Variants in CAST observed in about 807,000 individuals in gnomAD.
CAST encodes calpastatin.
In CAST, 76 loss-of-function variants were observed where a neutral mutation model predicts 119.6. That is an observed-to-expected ratio of 0.64 (90% CI 0.53 to 0.77). The LOEUF is 0.77. Ranked by LOEUF, CAST falls within the 30% of genes least tolerant of loss-of-function variation. The probability of loss-of-function intolerance (pLI) is 0.00; values close to 1 mark genes in which losing one functional copy is unlikely to be tolerated. For missense variants in CAST, 953 were observed against 946.5 expected (o/e 1.01, Z -0.09); for synonymous variants, 319 against 331.6 (o/e 0.96, Z 0.41).
At chr5:96,462,829 C>T in the CAST span, among the ~76,000 whole-genome samples, 1 of 152,052 alleles carries the variant, frequency 6.6e-6, no homozygotes, top group Non-Finnish European at 1.5e-5. Flanking sequence ...AGGGAGTTCT[C>T]ACTACCTGAT....
chr5:96,423,776 C>G, the CAST span, among the ~76,000 whole-genome samples: 2 of 152,288 alleles, frequency 1.3e-5, no homozygotes, highest in South Asian at 4.2e-4. Flanking sequence ...CATGCTCAAC[C>G]CTTTCATCTA....
intron 1 of CAST, among the ~76,000 whole-genome samples, chr5:96,540,279 A>G (rs781158323): frequency 6.2e-4 from 95 of 152,120 alleles, no homozygotes; most frequent in African/African-American, 1.8e-3. Flanking sequence ...TATAACCCCT[A>G]TCTCCATCTG....
At chr5:96,348,127 T>C in the CAST span, among the ~76,000 whole-genome samples, 1 of 152,144 alleles carries the variant, frequency 6.6e-6, no homozygotes, top group Non-Finnish European at 1.5e-5. Context: ...TGTAGTATCA[T>C]GGAGGTCAAT....
At chr5:96,577,672 C>G (rs1484559121) in intron 1 of CAST, among the ~76,000 whole-genome samples, 1 of 151,870 alleles carries the variant, frequency 6.6e-6, no homozygotes, top group East Asian at 1.9e-4. Flanking sequence ...ATTTAGTTTC[C>G]TTATTTTTAG....
At chr5:96,534,739 G>GAGAGAGAGAAAGAGAAAGAGAA (rs1745757908) in intron 1 of CAST, among the ~76,000 whole-genome samples, 1 of 22,720 alleles carries the variant, frequency 4.4e-5, no homozygotes, top group South Asian at 1.9e-3. Context: ...GAGAGAGAGA[G>GAGAGAGAGAAAGAGAAAGAGAA]AGAAAGAAAG....
At chr5:96,500,352 T>G in the CAST span, among the ~76,000 whole-genome samples, 1 of 152,226 alleles carries the variant, frequency 6.6e-6, no homozygotes, top group Non-Finnish European at 1.5e-5. Context: ...TATAATTAAC[T>G]GTATAGTAAT....
chr5:96,334,900 G>A, the CAST span, among the ~76,000 whole-genome samples: 2 of 152,148 alleles, frequency 1.3e-5, no homozygotes, highest in African/African-American at 4.8e-5. Context: ...TGCTATAGAG[G>A]CAAATGAGCA....
chr5:96,414,020 T>C, the CAST span, among the ~76,000 whole-genome samples: 2 of 141,372 alleles, frequency 1.4e-5, no homozygotes, highest in African/African-American at 5.4e-5. Flanking sequence ...GTTCCTGTAG[T>C]CCTAGCTACT....
At chr5:96,211,077 A>C in the CAST span, among the ~76,000 whole-genome samples, 1 of 151,956 alleles carries the variant, frequency 6.6e-6, no homozygotes, top group Non-Finnish European at 1.5e-5. Flanking sequence ...TAGATTCCTT[A>C]GGAACTTTTG....
chr5:96,458,885 A>G, the CAST span, among the ~76,000 whole-genome samples: 3 of 152,168 alleles, frequency 2.0e-5, no homozygotes, highest in African/African-American at 4.8e-5. Flanking sequence ...AAAATTGCCC[A>G]TAACGTGGGA....
At chr5:96,250,321 C>T in the CAST span, among the ~76,000 whole-genome samples, 1 of 152,172 alleles carries the variant, frequency 6.6e-6, no homozygotes, top group Non-Finnish European at 1.5e-5. Context: ...GGTGACCCAG[C>T]AAATTCATCA....
the CAST span, among the ~76,000 whole-genome samples, chr5:95,969,792 C>T: frequency 2.1e-4 from 32 of 152,266 alleles, no homozygotes; most frequent in African/African-American, 7.0e-4. Flanking sequence ...TTAGCGGTAT[C>T]AGTGGATTAA....
chr5:96,594,468 G>A (rs171869), intron 1 of CAST, among the ~76,000 whole-genome samples: 69,455 of 152,062 alleles, frequency 0.46, 16,033 homozygotes, highest in Admixed American at 0.5. Flanking sequence ...ATGATTCTGC[G>A]TGAGTTTAAT....
the CAST span, among the ~76,000 whole-genome samples, chr5:96,292,727 T>C: frequency 6.6e-6 from 1 of 152,218 alleles, no homozygotes; most frequent in African/African-American, 2.4e-5. Flanking sequence ...TTCTATCAGA[T>C]AATGAGACTG....
At chr5:96,215,648 A>G in the CAST span, 4 of 152,042 alleles carry the variant, frequency 2.6e-5, no homozygotes. Context: ...CACCGCCTCT[A>G]CTTCTTCTGC....
chr5:96,410,856 C>A, the CAST span: 11 of 1,614,056 alleles, frequency 6.8e-6, no homozygotes, highest in Non-Finnish European at 8.5e-6. Context: ...GGGGGATAGG[C>A]CTTGCTGGGA....
At position 96,747,381 on chromosome 5, in the gene CAST, GA is replaced by G; in HGVS notation, c.1326del (p.Lys442AsnfsTer67). 6.3e-7 allele frequency: 1 copy of G among 1,587,558 alleles called. No homozygotes were observed. The highest frequency in any genetic ancestry group is 1.3e-5 in the African/African-American group (1 of 74,400). ...AAAACCACTATTGCCAGAGCCTGAA[GA>G]AAAACCCAAGGTTAGGAAATACATT... is the stretch of plus-strand genomic sequence containing the variant. ...DGKPLLPEPE[E>X]KPKPRSESEL... On this transcript the variant is annotated frameshift_variant, in exon 18 of 32. Transcript: ENST00000675179. LOFTEE classifies it high-confidence loss of function.
chr5:96,054,655 G>GT, the CAST span, among the ~76,000 whole-genome samples: 10 of 152,250 alleles, frequency 6.6e-5, no homozygotes, highest in Admixed American at 2.0e-4. Context: ...TGATTCCCCA[G>GT]TTAAAATGAG....
At chr5:96,145,651 AT>A in the CAST span, among the ~76,000 whole-genome samples, 1 of 152,240 alleles carries the variant, frequency 6.6e-6, no homozygotes, top group Non-Finnish European at 1.5e-5. Context: ...ACCTATTAAA[AT>A]TTGACTTTAA....
Sources: allele counts gnomAD v4.1 joint callset (sites outside exome capture counted in the v4.1 genomes callset), GRCh38; gene constraint gnomAD v4.1.1; transcripts MANE v1.5; gene names NCBI Gene and HGNC (gene_info 2026-07-23, HGNC 2026-07-21).